The following PMAIP1 variants were observed in gnomAD, a reference collection of about 807,000 sequenced individuals.
PMAIP1 encodes the protein phorbol-12-myristate-13-acetate-induced protein 1.
PMAIP1 carries 3 observed loss-of-function variants against 3.7 expected under a neutral mutation model. That is an observed-to-expected ratio of 0.82 (90% CI 0.37 to 2.12). The LOEUF is 2.12. Ranked by LOEUF, PMAIP1 falls within the 30% of genes most tolerant of loss-of-function variation. The pLI is 0.06. For synonymous variants in PMAIP1, 29 were observed against 26.2 expected, an observed-to-expected ratio of 1.11 and a Z score of -0.32; for missense variants, 77 against 67.1, an observed-to-expected ratio of 1.15 and a Z score of -0.52.
At chr18:59,900,800 A>C in intron 1 of PMAIP1, 1 of 531,312 alleles carries the variant, frequency 1.9e-6, no homozygotes, top group South Asian at 2.5e-5. Context: ...ATTCATTCGC[A>C]CTCCCCACCC....
intron 1 of PMAIP1, 146 bp downstream of exon 1, chr18:59,900,381 C>T (rs915979204): frequency 1.3e-6 from 2 of 1,546,108 alleles, no homozygotes; most frequent in Admixed American, 3.9e-5. Flanking sequence ...TGCCCTGGCG[C>T]GAGCCTTAGG....
At chr18:59,900,637 C>A in intron 1 of PMAIP1, 1 of 1,528,294 alleles carries the variant, frequency 6.5e-7, no homozygotes, top group Non-Finnish European at 8.8e-7. Flanking sequence ...GGAGAGAGCC[C>A]CGGGGACCGC....
At position 59,900,787 on chromosome 18, in the gene PMAIP1, T is replaced by C. The variant is rs576091484; in HGVS notation, c.58+552T>C. The C allele has an allele frequency of 6.9e-4, 390 of 568,914 alleles. 4 individuals are homozygous for C. The South Asian group carries it at 8.7e-3, about 13-fold the overall frequency. 35.2% of individuals were successfully genotyped at this position (568,914 alleles called of 1,614,324 possible). On this transcript the variant is annotated intron_variant, in intron 1 of 1. Transcript: ENST00000316660. ...GGAGTTAGTCCGCTCCTTTTTTTCA[T>C]TCATTCATTCGCACTCCCCACCCCG...
At position 59,902,898 on chromosome 18, in the gene PMAIP1, A is replaced by C. The variant is rs1410147534; in HGVS notation, c.*145A>C. The C allele has an allele frequency of 3.8e-6, 5 of 1,314,472 alleles. No homozygotes were observed. The highest frequency in any genetic ancestry group is 5.4e-6 in the Non-Finnish European group (5 of 932,244). 81.4% of individuals were successfully genotyped at this position (1,314,472 alleles called of 1,614,324 possible). A position where few individuals can be genotyped will look rare whatever the true frequency, so the allele number is the denominator to read the frequency against. Reference sequence around the variant, plus strand: ...GGTGCCCTTGGAAACGGAAGATGGAATACATCAAAGTGAATTTCTGTTCAA... The same window carrying C: ...GGTGCCCTTGGAAACGGAAGATGGACTACATCAAAGTGAATTTCTGTTCAA... On this transcript the variant is annotated 3_prime_UTR_variant, in exon 2 of 2. Coordinates refer to ENST00000316660, the MANE Select transcript of PMAIP1 (RefSeq NM_021127.3).
chr18:59,900,345 CG>C, intron 1 of PMAIP1, 110 bp downstream of exon 1: 1 of 1,524,496 alleles, frequency 6.6e-7, no homozygotes, highest in African/African-American at 1.4e-5. Flanking sequence ...ACAGACTGCA[CG>C]GGGGTCAAGG....
rs562453081 is a variant in PMAIP1 at position 59,900,256 on chromosome 18, G to C, written c.58+21G>C. The C allele has an allele frequency of 1.7e-5, 26 of 1,540,872 alleles. No homozygotes were observed. In the African/African-American group the frequency reaches 3.1e-4, roughly 19 times the overall value. On this transcript the variant is annotated intron_variant, in intron 1 of 1. Coordinates refer to ENST00000316660, the MANE Select transcript of PMAIP1 (RefSeq NM_021127.3). ...AGCAGGTACCGACCCGCTGGGGCCA[G>C]CGAAGACCCAGGCCGGGCGGGGTCG... is the stretch of plus-strand genomic sequence containing the variant.
At chr18:59,901,499 G>T (rs2055769308) in intron 1 of PMAIP1, among the ~76,000 whole-genome samples, 2 of 152,240 alleles carry the variant, frequency 1.3e-5, no homozygotes, top group South Asian at 4.1e-4. Context: ...CACCTTAAGG[G>T]ATTTATTAGG....
At chr18:59,900,782 T>C (rs2055760202) in intron 1 of PMAIP1, 1 of 578,890 alleles carries the variant, frequency 1.7e-6, no homozygotes, top group South Asian at 2.3e-5. Context: ...CGCTCCTTTT[T>C]TTCATTCATT....
chr18:59,901,004 A>G (rs1400488519), intron 1 of PMAIP1, among the ~76,000 whole-genome samples: 1 of 152,150 alleles, frequency 6.6e-6, no homozygotes, highest in Non-Finnish European at 1.5e-5. Flanking sequence ...GGGGCGTGCG[A>G]AGGAAGTGGT....
Position 59,900,000 on chromosome 18 carries a change from T to A in PMAIP1, c.-178T>A. The A allele has an allele frequency of 1.9e-6, 1 of 533,092 alleles. No homozygotes were observed. Among genetic ancestry groups the A allele is most frequent in the East Asian group, 3.3e-5 (1 of 29,926 alleles). 33.0% of individuals were successfully genotyped at this position (533,092 alleles called of 1,614,324 possible). ...GGTCTCTGGCGCGGGGATCTCAGAG[T>A]TTCCCGGGCACTCACCGTGTGTAGT... On this transcript the variant is annotated 5_prime_UTR_variant, in exon 1 of 2. Coordinates refer to ENST00000316660, the MANE Select transcript of PMAIP1 (RefSeq NM_021127.3).
chr18:59,902,614 A>G lies in PMAIP1; in HGVS notation c.59-33A>G, dbSNP rs201313419. 185 of 1,576,234 alleles carry G rather than the reference A, an allele frequency of 1.2e-4. 2 individuals are homozygous for G. The East Asian group carries it at 3.4e-3, about 29-fold the overall frequency. On this transcript the variant is annotated intron_variant, in intron 1 of 1. Transcript: ENST00000316660. ...CTGGTTACAGTCTGTAATATCATCA[A>G]TGTTCATGTCCATGTTTTGCTTTCC...
chr18:59,901,828 G>A (rs2055772928), intron 1 of PMAIP1, among the ~76,000 whole-genome samples: 1 of 152,078 alleles, frequency 6.6e-6, no homozygotes, highest in African/African-American at 2.4e-5. Context: ...CTGAAAAAAA[G>A]TGTACTTGGA....
At chr18:59,900,427 G>C in intron 1 of PMAIP1, 192 bp downstream of exon 1, 7 of 1,545,144 alleles carry the variant, frequency 4.5e-6, no homozygotes, top group Non-Finnish European at 6.1e-6. Context: ...TTTTTCCCCA[G>C]GACCGGCGGG....
intron 1 of PMAIP1, 24 bp downstream of exon 1, chr18:59,900,259 A>G: frequency 6.5e-7 from 1 of 1,539,836 alleles, no homozygotes; most frequent in Admixed American, 2.0e-5. Flanking sequence ...GGGGCCAGCG[A>G]AGACCCAGGC....
At chr18:59,900,439 A>G in intron 1 of PMAIP1, 1 of 1,512,976 alleles carries the variant, frequency 6.6e-7, no homozygotes, top group Non-Finnish European at 8.8e-7. Flanking sequence ...ACCGGCGGGT[A>G]CGGCGGGTAC....
intron 1 of PMAIP1, 147 bp downstream of exon 1, chr18:59,900,382 G>T (rs1169286430): frequency 1.9e-6 from 3 of 1,546,844 alleles, no homozygotes; most frequent in Non-Finnish European, 2.6e-6. Flanking sequence ...GCCCTGGCGC[G>T]AGCCTTAGGG....
In PMAIP1 at chr18:59,903,999, G is replaced by A. The variant is rs2055792029; in HGVS notation, c.*1246G>A. The A allele has an allele frequency of 6.6e-6, 1 of 151,972 alleles. No homozygotes were observed. The highest frequency in any genetic ancestry group is 1.5e-5 in the Non-Finnish European group (1 of 67,960). 9.4% of individuals were successfully genotyped at this position (151,972 alleles called of 1,614,324 possible). On this transcript the variant is annotated 3_prime_UTR_variant, in exon 2 of 2. Transcript: ENST00000316660. ...TTTATTTTGCCTATTTATAATTAAAGTATTTTTCTTTAGTTTGAAAATGTG... is the reference window on the plus strand; with the variant it reads ...TTTATTTTGCCTATTTATAATTAAAATATTTTTCTTTAGTTTGAAAATGTG...
Position 59,902,475 on chromosome 18 carries a change from G to A in PMAIP1, c.59-172G>A, listed in dbSNP as rs984038315. 5.3e-5 allele frequency among the ~76,000 whole-genome samples: 8 copies of A among 152,218 alleles called. No individual in the cohort carries two copies. In the East Asian group the frequency reaches 1.5e-3, roughly 29 times the overall value. ...GATTGCTTTCGGTGAGTCACAATGT[G>A]TGTAAGTGTGTGTGTGTGTCACATT... On this transcript the variant is annotated intron_variant, in intron 1 of 1. Coordinates refer to ENST00000316660, the MANE Select transcript of PMAIP1 (RefSeq NM_021127.3).
chr18:59,902,606 TATC>T, intron 1 of PMAIP1, 38 bp from the exon 2 acceptor site: 1 of 1,536,304 alleles, frequency 6.5e-7, no homozygotes, highest in South Asian at 1.1e-5. Context: ...CAGTCTGTAA[TATC>T]ATCAATGTTC....
Sources: allele counts gnomAD v4.1 joint callset (sites outside exome capture counted in the v4.1 genomes callset), GRCh38; gene constraint gnomAD v4.1.1; transcripts MANE v1.5; gene names NCBI Gene and HGNC (gene_info 2026-07-23, HGNC 2026-07-21).